PLCB4: variants seen among roughly 807,000 people sequenced by gnomAD.
PLCB4 encodes phospholipase C beta 4, also known as 1-phosphatidylinositol 4,5-bisphosphate phosphodiesterase beta-4.
In PLCB4, 77 loss-of-function variants were observed where a neutral mutation model predicts 178.8. The observed-to-expected ratio is 0.43, with a 90% confidence interval of 0.36 to 0.52. The LOEUF is 0.52. Among genes scored for constraint, PLCB4 ranks in the 20% least tolerant of loss-of-function variants. The probability of loss-of-function intolerance (pLI) is 0.00; values close to 1 mark genes in which losing one functional copy is unlikely to be tolerated. For missense variants in PLCB4, 1,024 were observed against 1,453.4 expected (o/e 0.70, Z 4.80); for synonymous variants, 496 against 490.8 (o/e 1.01, Z -0.14).
chr20:9,321,952 C>CTT (rs746419205), intron 4 of PLCB4, among the ~76,000 whole-genome samples: 19 of 140,080 alleles, frequency 1.4e-4, no homozygotes, highest in East Asian at 6.2e-4. Flanking sequence ...TTTTCTTTTT[C>CTT]TTTTTTTTTT....
At chr20:9,387,160 G>A (rs1445563787) in intron 14 of PLCB4, among the ~76,000 whole-genome samples, 2 of 151,858 alleles carry the variant, frequency 1.3e-5, no homozygotes, top group South Asian at 2.1e-4. Flanking sequence ...GACACACCAC[G>A]CCCGGCCCCC....
chr20:9,444,338 A>G (rs1232142263), intron 32 of PLCB4, 95 bp downstream of exon 32: 1 of 731,006 alleles, frequency 1.4e-6, no homozygotes, highest in East Asian at 2.5e-5. Flanking sequence ...ACCACTTAAC[A>G]GTAATAACTC....
intron 2 of PLCB4, among the ~76,000 whole-genome samples, chr20:9,200,937 A>G (rs909796016): frequency 6.6e-6 from 1 of 152,216 alleles, no homozygotes; most frequent in African/African-American, 2.4e-5. Context: ...AAAGACATTT[A>G]ATTTCCTGTT....
chr20:9,216,351 G>C (rs1202383730), intron 2 of PLCB4, among the ~76,000 whole-genome samples: 1 of 151,434 alleles, frequency 6.6e-6, no homozygotes, highest in Non-Finnish European at 1.5e-5. Context: ...CCGAGTAGCT[G>C]GGACTACAGG....
At chr20:9,388,687 C>T (rs1366395808) in intron 15 of PLCB4, among the ~76,000 whole-genome samples, 1 of 152,084 alleles carries the variant, frequency 6.6e-6, no homozygotes. Flanking sequence ...TCTCCAGCCT[C>T]AGCAACAGAG....
intron 2 of PLCB4, among the ~76,000 whole-genome samples, chr20:9,157,730 T>C (rs2092814790): frequency 6.6e-6 from 1 of 152,212 alleles, no homozygotes; most frequent in African/African-American, 2.4e-5. Context: ...TTTGAGTATA[T>C]AATTACTCAT....
At chr20:9,471,956 T>C (rs1277393782) in intron 36 of PLCB4, among the ~76,000 whole-genome samples, 2 of 152,190 alleles carry the variant, frequency 1.3e-5, no homozygotes. Context: ...CAGACACTTA[T>C]TGTGTCAGGT....
At chr20:9,219,585 C>A (rs896274052) in intron 3 of PLCB4, among the ~76,000 whole-genome samples, 2 of 152,208 alleles carry the variant, frequency 1.3e-5, no homozygotes, top group African/African-American at 4.8e-5. Flanking sequence ...CCCCAGATGT[C>A]ACCTGGTGGT....
chr20:9,396,288 G>A (rs1441087241), intron 19 of PLCB4, among the ~76,000 whole-genome samples: 1 of 152,170 alleles, frequency 6.6e-6, no homozygotes, highest in Non-Finnish European at 1.5e-5. Flanking sequence ...AATGATGAGA[G>A]TAGAGAGGCA....
chr20:9,437,368 C>A (rs764205130), intron 30 of PLCB4, among the ~76,000 whole-genome samples: 3 of 152,170 alleles, frequency 2.0e-5, no homozygotes, highest in African/African-American at 4.8e-5. Context: ...CATAGTTATT[C>A]CTATTGGACA....
chr20:9,307,751 A>G (rs549350481), intron 3 of PLCB4, 49 bp from the exon 4 acceptor site: 2 of 810,418 alleles, frequency 2.5e-6, no homozygotes, highest in East Asian at 2.7e-5. Flanking sequence ...ACCATCCTCA[A>G]TTGTTTTTTC....
chr20:9,394,177 T>A (rs139848678), intron 18 of PLCB4, among the ~76,000 whole-genome samples: 1 of 152,286 alleles, frequency 6.6e-6, no homozygotes, highest in East Asian at 1.9e-4. Flanking sequence ...TTGAAAATAT[T>A]TTCTTTCAGA....
At chr20:9,238,406 A>ACC (rs565270728) in intron 3 of PLCB4, among the ~76,000 whole-genome samples, 1 of 143,228 alleles carries the variant, frequency 7.0e-6, no homozygotes, top group South Asian at 2.3e-4. Context: ...AGTGGAGTTG[A>ACC]CCCCCCCCCG....
At chr20:9,226,585 TGA>T (rs2093868853) in intron 3 of PLCB4, among the ~76,000 whole-genome samples, 1 of 152,218 alleles carries the variant, frequency 6.6e-6, no homozygotes, top group African/African-American at 2.4e-5. Context: ...AGGGAGATGG[TGA>T]ATCTATAGGA....
intron 17 of PLCB4, among the ~76,000 whole-genome samples, chr20:9,392,288 C>T (rs1353235279): frequency 3.3e-5 from 5 of 152,334 alleles, no homozygotes; most frequent in Admixed American, 6.5e-5. Flanking sequence ...GTACACTCCA[C>T]AGGGTGGGAG....
Position 9,421,465 on chromosome 20 carries a change from G to T in PLCB4, c.2319+4G>T. 6.2e-7 allele frequency: 1 copy of T among 1,610,730 alleles called. No homozygotes were observed. Among genetic ancestry groups the T allele is most frequent in the South Asian group, 1.1e-5 (1 of 90,848 alleles). On this transcript the variant is annotated splice_donor_region_variant and intron_variant, in intron 27 of 39. Transcript: ENST00000378473. ...AGAGTCATTTGTATTTCGGAAGGTAGGACATTTTCAGCACGTCAAACTTAC... is the reference window on the plus strand; with the variant it reads ...AGAGTCATTTGTATTTCGGAAGGTATGACATTTTCAGCACGTCAAACTTAC...
intron 2 of PLCB4, among the ~76,000 whole-genome samples, chr20:9,139,120 T>C (rs1358143946): frequency 6.6e-6 from 1 of 152,142 alleles, no homozygotes; most frequent in Non-Finnish European, 1.5e-5. Flanking sequence ...AAGCTTATAC[T>C]CCCTGTCATG....
At chr20:9,410,735 T>G (rs1166403708) in intron 24 of PLCB4, among the ~76,000 whole-genome samples, 1 of 152,236 alleles carries the variant, frequency 6.6e-6, no homozygotes, top group Non-Finnish European at 1.5e-5. Flanking sequence ...CTGTAGCAGG[T>G]TGGATATCTC....
intron 2 of PLCB4, among the ~76,000 whole-genome samples, chr20:9,181,027 T>G (rs950393620): frequency 6.6e-6 from 1 of 152,154 alleles, no homozygotes; most frequent in Non-Finnish European, 1.5e-5. Flanking sequence ...TGTGCCTGAT[T>G]GTAATGCAGA....
Sources: gnomAD v4.1 joint callset for allele counts (sites outside exome capture counted in the v4.1 genomes callset) on GRCh38, gnomAD v4.1.1 for gene constraint, MANE v1.5 for transcripts, NCBI Gene and HGNC (gene_info 2026-07-23, HGNC 2026-07-21) for gene names.